Variants in MGAT5 observed in about 807,000 individuals in gnomAD.
The protein encoded by MGAT5 is alpha-1,6-mannosylglycoprotein 6-beta-N-acetylglucosaminyltransferase.
In MGAT5, 30 loss-of-function variants were observed where a neutral mutation model predicts 94.3. That is an observed-to-expected ratio of 0.32 (90% CI 0.24 to 0.43). The LOEUF (loss-of-function observed/expected upper bound fraction) is 0.43. Among genes scored for constraint, MGAT5 ranks in the 20% least tolerant of loss-of-function variants. The pLI is 1.00. For missense variants in MGAT5, 691 were observed against 905.5 expected, an observed-to-expected ratio of 0.76 and a Z score of 3.04; for synonymous variants, 310 against 322.9, an observed-to-expected ratio of 0.96 and a Z score of 0.43.
chr2:134,304,684 T>C (rs973957235), intron 2 of MGAT5, among the ~76,000 whole-genome samples: 1 of 152,220 alleles, frequency 6.6e-6, no homozygotes, highest in Non-Finnish European at 1.5e-5. Context: ...TGTTCTTTTC[T>C]ACATGAAGGA....
chr2:134,333,689 C>T (rs1688147242), intron 4 of MGAT5, among the ~76,000 whole-genome samples: 1 of 152,108 alleles, frequency 6.6e-6, no homozygotes, highest in South Asian at 2.1e-4. Flanking sequence ...GGACCCTGGA[C>T]AGATCAAAAG....
intron 2 of MGAT5, among the ~76,000 whole-genome samples, chr2:134,300,475 C>G (rs1480006380): frequency 1.3e-5 from 2 of 152,092 alleles, no homozygotes; most frequent in Non-Finnish European, 2.9e-5. Context: ...GTTTTTTAAA[C>G]CTCTCTTCAG....
At chr2:134,299,123 T>G (rs192203686) in intron 2 of MGAT5, among the ~76,000 whole-genome samples, 4 of 152,300 alleles carry the variant, frequency 2.6e-5, no homozygotes, top group African/African-American at 9.6e-5. Context: ...ACTATCATCA[T>G]CTGTAGTCCA....
At chr2:134,280,661 C>CG (rs1474302813) in intron 2 of MGAT5, among the ~76,000 whole-genome samples, 4 of 152,204 alleles carry the variant, frequency 2.6e-5, no homozygotes, top group Non-Finnish European at 5.9e-5. Flanking sequence ...TTTCCCCCTT[C>CG]GGGGGACTTG....
chr2:134,231,039 C>A lies in MGAT5; in HGVS notation c.-142-23223C>A, dbSNP rs116510522. On this transcript the variant is annotated intron_variant, in intron 1 of 16. Coordinates refer to the MGAT5 transcript ENST00000409645. The stretch of plus-strand genomic sequence containing the variant: ...TCAAAGAACACTGCATATTATGATT[C>A]TATTTATATCAAGTGTCCAGAATAG... Among the ~76,000 whole-genome samples, 423 of 152,276 alleles carry A rather than the reference C, an allele frequency of 2.8e-3. 1 individual carries two copies. Among genetic ancestry groups the A allele is most frequent in the African/African-American group, 9.7e-3 (405 of 41,552 alleles).
At chr2:134,252,387 A>G (rs542042655), upstream of MGAT5, among the ~76,000 whole-genome samples, 33 of 152,330 alleles carry the variant, frequency 2.2e-4, no homozygotes, top group African/African-American at 7.7e-4. Flanking sequence ...TGATAGTACA[A>G]GACAGAGGTT....
At chr2:134,235,501 C>G (rs565848683) in intron 1 of MGAT5, among the ~76,000 whole-genome samples, 1 of 151,956 alleles carries the variant, frequency 6.6e-6, no homozygotes. Context: ...AGAGAAGAGC[C>G]ACAGAGCAGA....
At chr2:134,412,745 T>C in intron 11 of MGAT5, 124 bp from the exon 12 acceptor site, 1 of 1,250,130 alleles carries the variant, frequency 8.0e-7, no homozygotes, top group Non-Finnish European at 1.1e-6. Context: ...CCTGGGAGCC[T>C]TCCAAAGTGA....
chr2:134,356,205 T>C (rs1679729541), intron 9 of MGAT5, among the ~76,000 whole-genome samples: 1 of 152,150 alleles, frequency 6.6e-6, no homozygotes, highest in Admixed American at 6.5e-5. Flanking sequence ...TTGTGGAAAT[T>C]TGGAGCAGAA....
chr2:134,449,687 TG>T lies in MGAT5; in HGVS notation c.*842del, dbSNP rs1685992805. On this transcript the variant is annotated 3_prime_UTR_variant, in exon 16 of 16. Transcript: ENST00000281923. The stretch of plus-strand genomic sequence containing the variant: ...AAGGAAATACAGGATTGAGGGATTT[TG>T]GAGTTTCTGGTAAACTCACCCTCCC... The T allele has an allele frequency of 6.6e-6, 1 of 152,244 alleles. No individual in the cohort carries two copies. Among genetic ancestry groups the T allele is most frequent in the African/African-American group, 2.4e-5 (1 of 41,470 alleles). The allele number at this position is 152,244 out of a possible 1,614,324, so 9.4% of individuals were successfully genotyped here.
intron 2 of MGAT5, among the ~76,000 whole-genome samples, chr2:134,307,298 C>T (rs542552907): frequency 4.6e-5 from 7 of 152,134 alleles, no homozygotes; most frequent in African/African-American, 1.2e-4. Flanking sequence ...TTTTCAACTC[C>T]GGGGCCATTT....
chr2:134,330,592 C>T, intron 4 of MGAT5, among the ~76,000 whole-genome samples: 1 of 83,658 alleles, frequency 1.2e-5, no homozygotes, highest in South Asian at 3.5e-4. Context: ...TGTTACGAAG[C>T]CCAACATATT....
At chr2:134,364,496 G>C (rs930799046) in intron 10 of MGAT5, among the ~76,000 whole-genome samples, 13 of 113,442 alleles carry the variant, frequency 1.1e-4, no homozygotes, top group African/African-American at 2.5e-4. Context: ...GTGAAACTCT[G>C]TCTCAAAAAA....
chr2:134,366,843 C>A (rs1262778285), intron 10 of MGAT5, among the ~76,000 whole-genome samples: 1 of 152,212 alleles, frequency 6.6e-6, no homozygotes, highest in Non-Finnish European at 1.5e-5. Flanking sequence ...AAATAAATAA[C>A]TCCTCTTTTC....
chr2:134,381,382 T>TAAGATTAGATAGATTAGA (rs1553457734), intron 10 of MGAT5, among the ~76,000 whole-genome samples: 5 of 108,510 alleles, frequency 4.6e-5, no homozygotes, highest in Non-Finnish European at 9.9e-5. Context: ...ATAAGATAGA[T>TAAGATTAGATAGATTAGA]TAGATAGATA....
chr2:134,311,701 AACC>A (rs764179257), intron 2 of MGAT5, among the ~76,000 whole-genome samples: 73 of 152,256 alleles, frequency 4.8e-4, no homozygotes, highest in Non-Finnish European at 9.9e-4. Context: ...TTCTTTTTGT[AACC>A]ATATTTCCAG....
chr2:134,276,394 A>G (rs1466638076), intron 2 of MGAT5, among the ~76,000 whole-genome samples: 1 of 152,240 alleles, frequency 6.6e-6, no homozygotes, highest in African/African-American at 2.4e-5. Context: ...ACAATGGTAC[A>G]AAGTAGTCTT....
At chr2:134,151,640 T>G (rs1312671672) in intron 1 of MGAT5, among the ~76,000 whole-genome samples, 24 of 56,372 alleles carry the variant, frequency 4.3e-4, no homozygotes, top group Admixed American at 5.6e-4. Context: ...TATGGGAGCC[T>G]CCCACTGCCA....
chr2:134,351,168 T>C (rs1453383229), intron 9 of MGAT5, among the ~76,000 whole-genome samples: 1 of 152,222 alleles, frequency 6.6e-6, no homozygotes, highest in Non-Finnish European at 1.5e-5. Context: ...TTATTGTTCA[T>C]GGAGCTGTAT....
Sources: allele counts gnomAD v4.1 joint callset (sites outside exome capture counted in the v4.1 genomes callset), GRCh38; gene constraint gnomAD v4.1.1; transcripts MANE v1.5; gene names NCBI Gene and HGNC (gene_info 2026-07-23, HGNC 2026-07-21).